The following ERBB4 variants were observed in gnomAD, a reference collection of about 807,000 sequenced individuals.
ERBB4 encodes erb-b2 receptor tyrosine kinase 4.
In ERBB4, 42 loss-of-function variants were observed where a neutral mutation model predicts 158.0. The ratio of observed to expected loss-of-function variants is 0.27; its 90% CI spans 0.21 to 0.34. The LOEUF (loss-of-function observed/expected upper bound fraction) is 0.34. Among genes scored for constraint, ERBB4 ranks in the 10% least tolerant of loss-of-function variants. ERBB4 has a pLI of 1.00. For missense variants in ERBB4, 1,333 were observed against 1,624.1 expected (o/e 0.82, Z 3.08); for synonymous variants, 583 against 558.7 (o/e 1.04, Z -0.61).
chr2:212,353,146 T>C (rs1011233967), intron 1 of ERBB4, among the ~76,000 whole-genome samples: 4 of 152,004 alleles, frequency 2.6e-5, no homozygotes, highest in Non-Finnish European at 5.9e-5. Flanking sequence ...ATAATTGTTT[T>C]TGTTAGGCTT....
intron 3 of ERBB4, among the ~76,000 whole-genome samples, chr2:211,810,013 T>C (rs569844057): frequency 6.6e-6 from 1 of 152,360 alleles, no homozygotes; most frequent in Admixed American, 6.5e-5. Context: ...AGTGAGTTTC[T>C]TAATCCTGAG....
rs533332202 is a variant in ERBB4 at position 212,434,414 on chromosome 2, G to A, written c.82+104035C>T. Among the ~76,000 whole-genome samples, 16 of 151,784 alleles carry A rather than the reference G, an allele frequency of 1.1e-4. No individual in the cohort carries two copies. The East Asian group carries it at 2.5e-3, about 24-fold the overall frequency. ...ACACCTTAAAACATTATGTAAAATTGCTAGAATTCCTATTTTCCCTATATA... is the reference window on the plus strand; with the variant it reads ...ACACCTTAAAACATTATGTAAAATTACTAGAATTCCTATTTTCCCTATATA... On this transcript the variant is annotated intron_variant, in intron 1 of 27. Transcript: ENST00000342788.
At chr2:211,782,051 C>T (rs1329150753) in intron 4 of ERBB4, among the ~76,000 whole-genome samples, 3 of 152,126 alleles carry the variant, frequency 2.0e-5, no homozygotes, top group Non-Finnish European at 4.4e-5. Context: ...AGCGGTTTTC[C>T]TTAGGTGCTT....
chr2:212,474,823 T>C (rs890925218), intron 1 of ERBB4, among the ~76,000 whole-genome samples: 1 of 60,928 alleles, frequency 1.6e-5, no homozygotes, highest in African/African-American at 1.1e-4. Context: ...CCGGCCATTC[T>C]TTTTTTTTTT....
intron 20 of ERBB4, among the ~76,000 whole-genome samples, chr2:211,467,161 T>C (rs951536525): frequency 6.6e-6 from 1 of 152,126 alleles, no homozygotes; most frequent in Admixed American, 6.6e-5. Context: ...GTAGGTTTCA[T>C]TGATAGTAAC....
At chr2:212,217,716 G>A in intron 1 of ERBB4, among the ~76,000 whole-genome samples, 1 of 151,262 alleles carries the variant, frequency 6.6e-6, no homozygotes, top group Admixed American at 6.6e-5. Flanking sequence ...GAATCATAAA[G>A]AACTAGTTTC....
intron 20 of ERBB4, among the ~76,000 whole-genome samples, chr2:211,447,653 G>T (rs911281721): frequency 3.9e-5 from 6 of 152,062 alleles, no homozygotes; most frequent in Non-Finnish European, 1.5e-5. Context: ...CCAATATTTT[G>T]ATTAAAAAGT....
At chr2:212,237,221 C>T (rs2083913260) in intron 1 of ERBB4, among the ~76,000 whole-genome samples, 1 of 152,122 alleles carries the variant, frequency 6.6e-6, no homozygotes, top group South Asian at 2.1e-4. Flanking sequence ...ATTTATCTAC[C>T]TTTGGTCTTT....
At chr2:211,599,580 C>T (rs1355468916) in intron 19 of ERBB4, among the ~76,000 whole-genome samples, 2 of 150,262 alleles carry the variant, frequency 1.3e-5, no homozygotes, top group Non-Finnish European at 3.0e-5. Context: ...CATTTAGAGT[C>T]CTGTCAAGAA....
chr2:211,423,765 GT>G (rs1414417466), intron 23 of ERBB4, among the ~76,000 whole-genome samples: 1 of 151,404 alleles, frequency 6.6e-6, no homozygotes, highest in African/African-American at 2.4e-5. Context: ...TTTCCTTCAT[GT>G]TTAGATCATT....
chr2:211,545,934 T>C (rs543391536), intron 20 of ERBB4, among the ~76,000 whole-genome samples: 4 of 152,194 alleles, frequency 2.6e-5, no homozygotes, highest in African/African-American at 9.6e-5. Context: ...GGCTTCTTCA[T>C]GAAGGATAAA....
At chr2:212,443,680 G>C (rs1166801182) in intron 1 of ERBB4, among the ~76,000 whole-genome samples, 4 of 152,300 alleles carry the variant, frequency 2.6e-5, no homozygotes, top group Admixed American at 6.5e-5. Context: ...TCTGCCACTT[G>C]GGCCCTGTGA....
chr2:211,683,691 A>C (rs2105973912), intron 12 of ERBB4, among the ~76,000 whole-genome samples: 1 of 151,582 alleles, frequency 6.6e-6, no homozygotes, highest in African/African-American at 2.4e-5. Context: ...TTCTGTAATA[A>C]ATTCTCGGGA....
intron 16 of ERBB4, among the ~76,000 whole-genome samples, chr2:211,647,322 T>A (rs1164969157): frequency 6.6e-6 from 1 of 151,712 alleles, no homozygotes; most frequent in African/African-American, 2.4e-5. Flanking sequence ...TCTCTTGATA[T>A]TATTCCCAGT....
intron 6 of ERBB4, among the ~76,000 whole-genome samples, chr2:211,723,470 T>C (rs572981925): frequency 5.9e-5 from 9 of 152,280 alleles, no homozygotes; most frequent in Middle Eastern, 3.4e-3. Flanking sequence ...ATAGTACATA[T>C]GGTTATTAAT....
intron 1 of ERBB4, among the ~76,000 whole-genome samples, chr2:212,414,970 C>T (rs1483034389): frequency 2.0e-5 from 3 of 152,202 alleles, no homozygotes; most frequent in Non-Finnish European, 4.4e-5. Context: ...TTGCCTTAAA[C>T]TCTGCCAACC....
intron 1 of ERBB4, among the ~76,000 whole-genome samples, chr2:212,294,979 C>A (rs907727974): frequency 1.3e-5 from 2 of 151,980 alleles, no homozygotes; most frequent in African/African-American, 4.8e-5. Flanking sequence ...CTGGGTCATA[C>A]GTGGTAATAT....
intron 24 of ERBB4, among the ~76,000 whole-genome samples, chr2:211,421,412 ATAT>A (rs1321191876): frequency 6.6e-6 from 1 of 151,870 alleles, no homozygotes; most frequent in East Asian, 1.9e-4. Context: ...CTAGAGAAAT[ATAT>A]TATTATTTTT....
At chr2:211,878,135 A>C (rs1037016782) in intron 3 of ERBB4, among the ~76,000 whole-genome samples, 9 of 152,158 alleles carry the variant, frequency 5.9e-5, no homozygotes, top group African/African-American at 2.2e-4. Context: ...AACAACAAAA[A>C]ACAATGTATC....
Sources: allele counts gnomAD v4.1 joint callset (sites outside exome capture counted in the v4.1 genomes callset), GRCh38; gene constraint gnomAD v4.1.1; transcripts MANE v1.5; gene names NCBI Gene and HGNC (gene_info 2026-07-23, HGNC 2026-07-21).